PRKCB: variants seen among roughly 807,000 people sequenced by gnomAD.
The protein encoded by PRKCB is protein kinase C beta type.
A neutral mutation model predicts 81.5 loss-of-function variants in PRKCB; 13 were observed. That is an observed-to-expected ratio of 0.16 (90% CI 0.10 to 0.25). The LOEUF is 0.25. PRKCB is among the 10% of genes least tolerant of loss of function. The pLI, the probability that PRKCB is intolerant of heterozygous loss-of-function variation, is 1.00. For missense variants in PRKCB, 509 were observed against 875.7 expected, an observed-to-expected ratio of 0.58 and a Z score of 5.29; for synonymous variants, 335 against 321.4, an observed-to-expected ratio of 1.04 and a Z score of -0.45.
In PRKCB at chr16:24,030,898, C is replaced by CAA. The variant is rs71154267; in HGVS notation, c.289-1225_289-1224dup. On this transcript the variant is annotated intron_variant, in intron 3 of 16. Transcript: ENST00000643927. ...GGGTGATAAGAGCAAAACTCTATCT[C>CAA]AAAAAAAAAAAAAAGATCAGCTCAG... is the stretch of plus-strand genomic sequence containing the variant. 1.9e-3 allele frequency among the ~76,000 whole-genome samples: 250 copies of CAA among 130,454 alleles called. 2 individuals carry two copies. Among genetic ancestry groups the CAA allele is most frequent in the South Asian group, 6.5e-3 (26 of 3,982 alleles). The allele number at this position is 130,454 out of a possible 152,430, so 85.6% of individuals were successfully genotyped here. A position where few individuals can be genotyped will look rare whatever the true frequency, so the allele number is the denominator to read the frequency against.
At chr16:23,935,657 C>T (rs2141762225) in intron 2 of PRKCB, among the ~76,000 whole-genome samples, 1 of 152,300 alleles carries the variant, frequency 6.6e-6, no homozygotes, top group African/African-American at 2.4e-5. Flanking sequence ...GATATGGAAT[C>T]AACCCAGGTG....
At chr16:24,209,953 C>CAA (rs113503232) in intron 16 of PRKCB, among the ~76,000 whole-genome samples, 4 of 139,476 alleles carry the variant, frequency 2.9e-5, no homozygotes, top group African/African-American at 5.3e-5. Context: ...CCTGTGTCTA[C>CAA]AAAAAAAAAA....
At position 24,220,004 on chromosome 16, in the gene PRKCB, G is replaced by C; in HGVS notation, c.*5188G>C. 1 of 1,614,170 alleles carries C rather than the reference G, an allele frequency of 6.2e-7. No individual in the cohort carries two copies. Among genetic ancestry groups the C allele is most frequent in the Non-Finnish European group, 8.5e-7 (1 of 1,180,014 alleles). ...TCCAACTTCGACAAAGAGTTCACCAGACAGCCTGTGGAACTGACCCCCACT... is the reference window on the plus strand; with the variant it reads ...TCCAACTTCGACAAAGAGTTCACCACACAGCCTGTGGAACTGACCCCCACT... On this transcript the variant is annotated 3_prime_UTR_variant, in exon 17 of 17. Coordinates refer to ENST00000643927, the MANE Select transcript of PRKCB (RefSeq NM_002738.7).
At chr16:23,913,666 A>G (rs554566952) in intron 2 of PRKCB, among the ~76,000 whole-genome samples, 9 of 152,332 alleles carry the variant, frequency 5.9e-5, no homozygotes, top group Middle Eastern at 6.8e-3. Context: ...AAAAATAAGC[A>G]TGAAGCTGTG....
intron 2 of PRKCB, among the ~76,000 whole-genome samples, chr16:23,902,460 C>T (rs1963488294): frequency 6.6e-6 from 1 of 151,990 alleles, no homozygotes; most frequent in South Asian, 2.1e-4. Flanking sequence ...TTATTCTGTA[C>T]CGAGCTCTAT....
intron 3 of PRKCB, among the ~76,000 whole-genome samples, chr16:24,021,552 T>C (rs1426401365): frequency 6.6e-6 from 1 of 151,726 alleles, no homozygotes; most frequent in Non-Finnish European, 1.5e-5. Context: ...GCTGAATTTG[T>C]GTGAGATGAA....
At chr16:24,091,064 T>C (rs2141899517) in intron 5 of PRKCB, among the ~76,000 whole-genome samples, 1 of 152,346 alleles carries the variant, frequency 6.6e-6, no homozygotes. Context: ...CTTTATTTCT[T>C]ACTGCACTTA....
chr16:23,913,134 A>G (rs1963687387), intron 2 of PRKCB, among the ~76,000 whole-genome samples: 1 of 152,124 alleles, frequency 6.6e-6, no homozygotes, highest in Admixed American at 6.6e-5. Context: ...AAGGAGGTGG[A>G]CACCAGGCAG....
chr16:24,064,918 G>GTATATACA (rs970603839), intron 5 of PRKCB, among the ~76,000 whole-genome samples: 10 of 148,898 alleles, frequency 6.7e-5, no homozygotes, highest in South Asian at 6.3e-4. Flanking sequence ...GTGTTTATAT[G>GTATATACA]TATATACATA....
rs1350730209 is a variant in PRKCB, at chr16:24,113,011, A to G, written c.860A>G (p.Asn287Ser). Residue 287 changes from asparagine (N) to serine (S), a missense_variant, in exon 8 of 17, where the codon AAT (asparagine) becomes AGT (serine). By Grantham distance (46) the Asn-to-Ser change is conservative (BLOSUM62 1). This residue lies in a region of PRKCB where 184 missense variants were observed against 362.9 expected (regional missense o/e 0.51). Coordinates refer to ENST00000643927, the MANE Select transcript of PRKCB (RefSeq NM_002738.7). ...AGCCAGGAGGAAGGCGAGTACTTCA[A>G]TGTGCCTGTGCCACCAGAAGGAAGT... ...LLSQEEGEYF[N>S]VPVPPEGSEA... The G allele has an allele frequency of 3.7e-6, 6 of 1,613,258 alleles. No individual in the cohort carries two copies. Among genetic ancestry groups the G allele is most frequent in the East Asian group, 4.5e-5 (2 of 44,780 alleles).
intron 2 of PRKCB, among the ~76,000 whole-genome samples, chr16:23,984,449 A>T (rs576842814): frequency 2.4e-4 from 37 of 152,368 alleles, no homozygotes; most frequent in Non-Finnish European, 4.6e-4. Flanking sequence ...TAATACAAAT[A>T]CAAGTAAGCA....
At chr16:24,136,238 T>C (rs1471974215) in intron 9 of PRKCB, among the ~76,000 whole-genome samples, 1 of 152,088 alleles carries the variant, frequency 6.6e-6, no homozygotes, top group African/African-American at 2.4e-5. Flanking sequence ...CAGAAGGTAG[T>C]ATGTTACAAG....
chr16:24,216,099 A>C lies in PRKCB; in HGVS notation c.*1283A>C. 1 of 985,430 alleles carries C rather than the reference A, an allele frequency of 1.0e-6. No individual in the cohort carries two copies. The highest frequency in any genetic ancestry group is 1.2e-6 in the Non-Finnish European group (1 of 829,934). The allele number at this position is 985,430 out of a possible 1,614,324, so 61.0% of individuals were successfully genotyped here. A position where few individuals can be genotyped will look rare whatever the true frequency, so the allele number is the denominator to read the frequency against. On this transcript the variant is annotated 3_prime_UTR_variant, in exon 17 of 17. Transcript: ENST00000643927. ...GAACTGAGGAGGGAACTCAGGAGAA[A>C]GGAACTAACTGCGGAGCTTTAATCT...
At chr16:23,848,520 T>G (rs1047869164) in intron 2 of PRKCB, among the ~76,000 whole-genome samples, 6 of 152,216 alleles carry the variant, frequency 3.9e-5, no homozygotes, top group African/African-American at 1.4e-4. Flanking sequence ...GTTCTAACAA[T>G]AGGGACATCT....
chr16:24,021,040 C>CTTTCTTTCTT (rs1256784385), intron 3 of PRKCB, among the ~76,000 whole-genome samples: 3 of 72,302 alleles, frequency 4.1e-5, no homozygotes, highest in East Asian at 4.7e-4. Context: ...TTCTTTCTTT[C>CTTTCTTTCTT]TCTTTCTTTC....
chr16:24,038,119 T>C (rs987965946), intron 5 of PRKCB, among the ~76,000 whole-genome samples: 4 of 151,734 alleles, frequency 2.6e-5, no homozygotes, highest in African/African-American at 9.7e-5. Flanking sequence ...GAGGTGGAGG[T>C]TGCAGTGAGC....
intron 2 of PRKCB, among the ~76,000 whole-genome samples, chr16:23,940,038 G>A (rs1964118921): frequency 6.6e-6 from 1 of 152,044 alleles, no homozygotes; most frequent in South Asian, 2.1e-4. Flanking sequence ...AAGGGCAAAA[G>A]CTATCAACAG....
At chr16:23,922,812 T>TG (rs1293047181) in intron 2 of PRKCB, among the ~76,000 whole-genome samples, 18 of 150,444 alleles carry the variant, frequency 1.2e-4, no homozygotes, top group Non-Finnish European at 2.1e-4. Context: ...TGGTTTGATT[T>TG]ATAATTATGG....
rs779746680 is a variant in PRKCB, at chr16:24,113,015, G to A, written c.864G>A (p.Val288=). 1 of 1,613,324 alleles carries A rather than the reference G, an allele frequency of 6.2e-7. No homozygotes were observed. The highest frequency in any genetic ancestry group is 8.5e-7 in the Non-Finnish European group (1 of 1,179,540). ...AGGAGGAAGGCGAGTACTTCAATGTGCCTGTGCCACCAGAAGGAAGTGAGG... is the reference window on the plus strand; with the variant it reads ...AGGAGGAAGGCGAGTACTTCAATGTACCTGTGCCACCAGAAGGAAGTGAGG... The part of the protein sequence containing the change: ...LSQEEGEYFN[V]PVPPEGSEAN... The change falls in exon 8 of 17, where the codon GTG becomes GTA. Residue 288 remains valine, a synonymous_variant. Transcript: ENST00000643927.
Sources: gnomAD v4.1 joint callset for allele counts (sites outside exome capture counted in the v4.1 genomes callset) on GRCh38, gnomAD v4.1.1 for gene constraint, gnomAD v4.1.1 regional missense constraint, MANE v1.5 for transcripts, NCBI Gene and HGNC (gene_info 2026-07-23, HGNC 2026-07-21) for gene names.